Variants in REEP4 observed in about 807,000 individuals in gnomAD.
REEP4 encodes the protein receptor expression-enhancing protein 4.
Under a neutral mutation model 33.5 loss-of-function variants are expected in REEP4, and 17 were observed. That is an observed-to-expected ratio of 0.51 (90% CI 0.35 to 0.76). The LOEUF is 0.76. Among genes scored for constraint, REEP4 ranks in the 30% least tolerant of loss-of-function variants. The pLI is 0.01. For missense variants in REEP4, 340 were observed against 357.9 expected, an observed-to-expected ratio of 0.95 and a Z score of 0.40; for synonymous variants, 157 against 142.9, an observed-to-expected ratio of 1.10 and a Z score of -0.70.
chr8:22,139,171 C>G, intron 5 of REEP4, 110 bp from the exon 6 acceptor site: 2 of 1,445,856 alleles, frequency 1.4e-6, no homozygotes, highest in East Asian at 2.4e-5. Context: ...AGCTTCTGGC[C>G]CCGCGCCAAT....
chr8:22,140,827 C>G, intron 1 of REEP4, 130 bp from the exon 2 acceptor site: 1 of 771,716 alleles, frequency 1.3e-6, no homozygotes, highest in Non-Finnish European at 2.1e-6. Flanking sequence ...CTTGTACAAC[C>G]CGTGCCTGAG....
Position 22,141,719 on chromosome 8 carries a change from G to A in REEP4, c.-237C>T, listed in dbSNP as rs947238576. On this transcript the variant is annotated 5_prime_UTR_variant, in exon 1 of 8. Transcript: ENST00000306306. Reference sequence around the variant, plus strand: ...CGGCGGGGAGGAAGCCGACTTGGGAGCGGGCGCGCCCCGCGGCCGGGGCAG... The same window carrying A: ...CGGCGGGGAGGAAGCCGACTTGGGAACGGGCGCGCCCCGCGGCCGGGGCAG... The A allele has an allele frequency of 4.7e-6, 2 of 422,302 alleles. No homozygotes were observed. Among genetic ancestry groups the A allele is most frequent in the African/African-American group, 2.1e-5 (1 of 48,666 alleles). 26.2% of individuals were successfully genotyped at this position (422,302 alleles called of 1,614,324 possible). A position where few individuals can be genotyped will look rare whatever the true frequency, so the allele number is the denominator to read the frequency against.
Position 22,138,156 on chromosome 8 carries a change from A to G in REEP4, c.*331T>C. On this transcript the variant is annotated 3_prime_UTR_variant, in exon 8 of 8. Transcript: ENST00000306306. ...CTTTGAAGGACAGGAAGGAATGAAC[A>G]CACCCAGGTGGACGTTTGGTTTCAT... is the stretch of plus-strand genomic sequence containing the variant. 1 of 598,622 alleles carries G rather than the reference A, an allele frequency of 1.7e-6. No individual in the cohort carries two copies. Among genetic ancestry groups the G allele is most frequent in the South Asian group, 2.0e-5 (1 of 50,456 alleles). 37.1% of individuals were successfully genotyped at this position (598,622 alleles called of 1,614,324 possible).
Position 22,139,614 on chromosome 8 carries a change from C to T in REEP4, c.304-85G>A, listed in dbSNP as rs533777148. ...GATTCTGAGAAGCCACTGGTTGTGG[C>T]GCCACCCAGCCCAGCCCAGCCCCAC... On this transcript the variant is annotated intron_variant, in intron 4 of 7. Coordinates refer to ENST00000306306, the MANE Select transcript of REEP4 (RefSeq NM_025232.4). 5.3e-5 allele frequency: 62 copies of T among 1,172,866 alleles called. 1 individual carries two copies. Among genetic ancestry groups the T allele is most frequent in the Middle Eastern group, 2.0e-4 (1 of 4,984 alleles). 72.7% of individuals were successfully genotyped at this position (1,172,866 alleles called of 1,614,324 possible). A position where few individuals can be genotyped will look rare whatever the true frequency, so the allele number is the denominator to read the frequency against.
At chr8:22,138,828 G>C (rs371159457) in intron 6 of REEP4, 35 bp from the exon 7 acceptor site, 1 of 1,573,132 alleles carries the variant, frequency 6.4e-7, no homozygotes, top group Non-Finnish European at 8.6e-7. Flanking sequence ...GAAAGCCTGC[G>C]ACCAGGCCAG....
chr8:22,139,057 T>C lies in REEP4; in HGVS notation c.422A>G (p.Gln141Arg), dbSNP rs1460016218. The change falls in exon 6 of 8, where the codon CAG becomes CGG. Residue 141 changes from glutamine (Q) to arginine (R), a missense_variant. Transcript: ENST00000306306. Reference protein sequence around the residue: ...SAAVQAATKSQGALAGRLRSF... With the variant: ...SAAVQAATKSRGALAGRLRSF... ...CCGCAGCCTGCCGGCCAGCGCCCCC[T>C]GACTCTGCGAGGGGGAAGAGGCTTC... The C allele has an allele frequency of 3.8e-6, 6 of 1,569,368 alleles. No homozygotes were observed. Among genetic ancestry groups the C allele is most frequent in the South Asian group, 1.2e-5 (1 of 83,630 alleles).
chr8:22,140,517 C>G, intron 2 of REEP4, 108 bp downstream of exon 2: 1 of 1,001,034 alleles, frequency 1.0e-6, no homozygotes, highest in South Asian at 1.5e-5. Flanking sequence ...CCTCCCCACT[C>G]CACTCAGGAT....
chr8:22,140,761 C>G, intron 1 of REEP4, 64 bp from the exon 2 acceptor site: 1 of 1,408,582 alleles, frequency 7.1e-7, no homozygotes, highest in African/African-American at 1.4e-5. Flanking sequence ...GCCAAGTGGC[C>G]ATTTCCCCCC....
chr8:22,140,491 G>T, intron 2 of REEP4, 134 bp downstream of exon 2: 1 of 871,438 alleles, frequency 1.1e-6, no homozygotes, highest in Non-Finnish European at 1.9e-6. Flanking sequence ...CTCTTGAACA[G>T]GGCCCATTCT....
intron 5 of REEP4, 125 bp from the exon 6 acceptor site, chr8:22,139,186 C>G (rs1228337303): frequency 7.4e-7 from 1 of 1,353,968 alleles, no homozygotes; most frequent in African/African-American, 1.4e-5. Flanking sequence ...GCCAATGTGG[C>G]ACCAACAGGA....
chr8:22,140,399 C>T (rs1307549981), intron 2 of REEP4, 151 bp from the exon 3 acceptor site: 1 of 921,764 alleles, frequency 1.1e-6, no homozygotes, highest in Non-Finnish European at 1.7e-6. Context: ...GAAACTGCTG[C>T]TCATTCCTAT....
At position 22,141,125 on chromosome 8, in the gene REEP4, C is replaced by T. The variant is rs139436587; in HGVS notation, c.32+326G>A. Among the ~76,000 whole-genome samples, 14 of 152,378 alleles carry T rather than the reference C, an allele frequency of 9.2e-5. No homozygotes were observed. The East Asian group carries it at 2.7e-3, about 29-fold the overall frequency. On this transcript the variant is annotated intron_variant, in intron 1 of 7. Transcript: ENST00000306306. The stretch of plus-strand genomic sequence containing the variant: ...TGACTGCTCAGATGGCAAGCAGGCA[C>T]CTGGATTCTCCGCCCACAACGTGCC...
chr8:22,138,905 T>C, intron 6 of REEP4, 21 bp downstream of exon 6: 1 of 1,563,202 alleles, frequency 6.4e-7, no homozygotes, highest in Non-Finnish European at 8.6e-7. Context: ...GGCATGGCTC[T>C]GGGCCCCTCT....
chr8:22,141,404 G>A, intron 1 of REEP4, 47 bp downstream of exon 1: 4 of 1,587,584 alleles, frequency 2.5e-6, no homozygotes, highest in Non-Finnish European at 3.4e-6. Flanking sequence ...CCACAGGGGC[G>A]GGACGGCACC....
intron 3 of REEP4, 39 bp from the exon 4 acceptor site, chr8:22,140,122 G>A (rs1827203731): frequency 1.2e-6 from 2 of 1,614,058 alleles, no homozygotes; most frequent in Non-Finnish European, 1.7e-6. Flanking sequence ...CAAGGAGCAG[G>A]GCTGGGGGGG....
chr8:22,139,391 C>T (rs1330016289), intron 5 of REEP4, 25 bp downstream of exon 5: 1 of 1,572,358 alleles, frequency 6.4e-7, no homozygotes, highest in African/African-American at 1.3e-5. Flanking sequence ...ATGGGGGCTG[C>T]TGGAGGGCTG....
Position 22,141,493 on chromosome 8 carries a change from T to G in REEP4, c.-11A>C. 6.3e-7 allele frequency: 1 copy of G among 1,588,030 alleles called. No individual in the cohort carries two copies. ...CATCCAGGACACCATCTTGCCGGCCTTTGGGACGTGGGGAGGACCCCAGGA... is the reference window on the plus strand; with the variant it reads ...CATCCAGGACACCATCTTGCCGGCCGTTGGGACGTGGGGAGGACCCCAGGA... On this transcript the variant is annotated 5_prime_UTR_variant, in exon 1 of 8. Coordinates refer to ENST00000306306, the MANE Select transcript of REEP4 (RefSeq NM_025232.4).
rs774519306 is a variant in REEP4 at position 22,138,506 on chromosome 8, G to A, written c.755C>T (p.Pro252Leu). The change falls in exon 8 of 8, where the codon CCC becomes CTC. Residue 252 changes from proline (P) to leucine (L), a missense_variant. Transcript: ENST00000306306. ...CAGACCCTAGCTGTCCACGTCTGAG[G>A]GCACAGTCTTTTTCCTCGTCCGAAC... ...LKVRTRKKTV[P>L]SDVDS 1 of 1,613,792 alleles carries A rather than the reference G, an allele frequency of 6.2e-7. No homozygotes were observed. Among genetic ancestry groups the A allele is most frequent in the South Asian group, 1.1e-5 (1 of 91,088 alleles).
chr8:22,139,420 G>T lies in REEP4; in HGVS notation c.413C>A (p.Thr138Asn). The change falls in exon 5 of 8, where the codon ACC becomes AAC. Residue 138 changes from threonine to asparagine, a missense_variant. Transcript: ENST00000306306. Reference protein sequence around the residue: ...IAASAAVQAATKSQGALAGRL... With the variant: ...IAASAAVQAANKSQGALAGRL... Reference sequence around the variant, plus strand: ...AGGGCTGGGGGCCCAGAGCACCTTGGTGGCAGCCTGCACAGCAGCGGAGGC... The same window carrying T: ...AGGGCTGGGGGCCCAGAGCACCTTGTTGGCAGCCTGCACAGCAGCGGAGGC... 1 of 1,604,734 alleles carries T rather than the reference G, an allele frequency of 6.2e-7. No individual in the cohort carries two copies. The highest frequency in any genetic ancestry group is 8.5e-7 in the Non-Finnish European group (1 of 1,178,690).
Sources: gnomAD v4.1 joint callset for allele counts (sites outside exome capture counted in the v4.1 genomes callset) on GRCh38, gnomAD v4.1.1 for gene constraint, MANE v1.5 for transcripts, NCBI Gene and HGNC (gene_info 2026-07-23, HGNC 2026-07-21) for gene names.